GTF2I: variants seen among roughly 807,000 people sequenced by gnomAD.
GTF2I encodes general transcription factor II-I.
In GTF2I, 12 loss-of-function variants were observed where a neutral mutation model predicts 67.6. That is an observed-to-expected ratio of 0.18 (90% CI 0.11 to 0.29). The LOEUF is 0.29. GTF2I is among the 10% of genes least tolerant of loss of function. The probability of loss-of-function intolerance (pLI) is 1.00; values close to 1 mark genes in which losing one functional copy is unlikely to be tolerated. For missense variants in GTF2I, 271 were observed against 580.1 expected (o/e 0.47, Z 5.47); for synonymous variants, 149 against 197.0 (o/e 0.76, Z 2.04).
At chr7:74,706,510 T>C (rs1790717257) in intron 8 of GTF2I, 77 bp downstream of exon 8, 1 of 1,083,840 alleles carries the variant, frequency 9.2e-7, no homozygotes, top group East Asian at 2.4e-5. Flanking sequence ...ATAGTTTGAC[T>C]CAATTATTGT....
chr7:74,683,903 A>G (rs1040759875), intron 1 of GTF2I, among the ~76,000 whole-genome samples: 4 of 151,918 alleles, frequency 2.6e-5, no homozygotes, highest in African/African-American at 4.8e-5. Flanking sequence ...TGCATTCCTT[A>G]TGAGCACAGA....
chr7:74,753,492 T>A (rs1554410378), intron 29 of GTF2I, among the ~76,000 whole-genome samples: 2 of 151,266 alleles, frequency 1.3e-5, no homozygotes, highest in African/African-American at 4.9e-5. Flanking sequence ...GCCAACATAG[T>A]GAAACCCTGT....
At chr7:74,705,930 A>G (rs1424984603) in intron 7 of GTF2I, among the ~76,000 whole-genome samples, 1 of 151,806 alleles carries the variant, frequency 6.6e-6, no homozygotes, top group Non-Finnish European at 1.5e-5. Context: ...ATAGATAGAA[A>G]TTGAAGTACT....
chr7:74,693,040 G>T (rs943147861), intron 3 of GTF2I, among the ~76,000 whole-genome samples: 1 of 152,058 alleles, frequency 6.6e-6, no homozygotes, highest in Non-Finnish European at 1.5e-5. Context: ...GGGATTACAG[G>T]CATGAGCCAC....
At chr7:74,687,470 G>T (rs917139977) in intron 1 of GTF2I, 2 of 575,364 alleles carry the variant, frequency 3.5e-6, no homozygotes, top group Non-Finnish European at 4.4e-6. Flanking sequence ...AGATCCACCC[G>T]CCTCGGCCTT....
intron 9 of GTF2I, among the ~76,000 whole-genome samples, chr7:74,712,065 T>C (rs973557178): frequency 1.8e-4 from 27 of 151,178 alleles, no homozygotes; most frequent in Non-Finnish European, 8.8e-5. Flanking sequence ...TTCTTCTGCC[T>C]CAGCCTCCCG....
chr7:74,701,533 C>T (rs1789753912), intron 6 of GTF2I, among the ~76,000 whole-genome samples: 1 of 151,812 alleles, frequency 6.6e-6, no homozygotes, highest in Non-Finnish European at 1.5e-5. Context: ...TGCAGTGGCG[C>T]GATCTTGGCT....
At chr7:74,660,580 A>G (rs1238263209) in intron 1 of GTF2I, among the ~76,000 whole-genome samples, 1 of 116,974 alleles carries the variant, frequency 8.5e-6, no homozygotes, top group Non-Finnish European at 1.9e-5. Context: ...GGGCACCTTT[A>G]TTTTCTCTCT....
chr7:74,678,462 C>G (rs1786894306), intron 1 of GTF2I, among the ~76,000 whole-genome samples: 1 of 152,038 alleles, frequency 6.6e-6, no homozygotes, highest in Non-Finnish European at 1.5e-5. Flanking sequence ...TCTCGCCTTC[C>G]TTAAGTAAAG....
chr7:74,724,793 C>T (rs184369769), intron 12 of GTF2I, among the ~76,000 whole-genome samples: 36 of 151,808 alleles, frequency 2.4e-4, no homozygotes, highest in Admixed American at 1.1e-3. Context: ...TGGTGGTGGG[C>T]GCCTGTAATC....
intron 1 of GTF2I, among the ~76,000 whole-genome samples, chr7:74,659,541 A>G (rs1804284844): frequency 6.6e-6 from 1 of 151,696 alleles, no homozygotes; most frequent in African/African-American, 2.4e-5. Flanking sequence ...AGGCGTGCCC[A>G]CCACGCCCGG....
At chr7:74,680,533 G>A (rs1473801902) in intron 1 of GTF2I, among the ~76,000 whole-genome samples, 2 of 151,902 alleles carry the variant, frequency 1.3e-5, no homozygotes, top group Non-Finnish European at 2.9e-5. Context: ...TTGATCTCAG[G>A]AGTTCGAGAC....
intron 1 of GTF2I, among the ~76,000 whole-genome samples, chr7:74,668,098 C>T (rs1554389254): frequency 1.3e-5 from 2 of 150,686 alleles, no homozygotes; most frequent in African/African-American, 4.9e-5. Context: ...TCCCAAAGTG[C>T]TGGGATTACA....
chr7:74,701,450 A>G (rs1251253369), intron 6 of GTF2I, among the ~76,000 whole-genome samples: 2 of 152,094 alleles, frequency 1.3e-5, no homozygotes, highest in African/African-American at 4.8e-5. Context: ...TTGATACACC[A>G]TAAAATTCAC....
chr7:74,677,516 T>C (rs1283982546), intron 1 of GTF2I, among the ~76,000 whole-genome samples: 2 of 151,918 alleles, frequency 1.3e-5, no homozygotes, highest in Non-Finnish European at 2.9e-5. Flanking sequence ...TAAAATGAAT[T>C]GGTTGGCCAG....
intron 1 of GTF2I, among the ~76,000 whole-genome samples, chr7:74,682,440 T>C (rs868942306): frequency 3.9e-5 from 6 of 152,238 alleles, no homozygotes; most frequent in South Asian, 4.1e-4. Context: ...ATTTCACCAC[T>C]TGACCTTGAG....
chr7:74,676,117 C>G (rs1024997910), intron 1 of GTF2I, among the ~76,000 whole-genome samples: 2 of 152,154 alleles, frequency 1.3e-5, no homozygotes, highest in South Asian at 4.2e-4. Flanking sequence ...ATTCTGTGAT[C>G]TTGGGCAATT....
At chr7:74,720,974 C>T (rs1453671715) in intron 12 of GTF2I, among the ~76,000 whole-genome samples, 1 of 151,810 alleles carries the variant, frequency 6.6e-6, no homozygotes, top group Non-Finnish European at 1.5e-5. Flanking sequence ...CTTATGTCAG[C>T]CTTTTGAACT....
chr7:74,667,902 C>T (rs587663338), intron 1 of GTF2I, among the ~76,000 whole-genome samples: 4 of 150,502 alleles, frequency 2.7e-5, no homozygotes, highest in African/African-American at 9.8e-5. Context: ...GGCATGATCT[C>T]GGCTCATGGC....
Sources: gnomAD v4.1 joint callset for allele counts (sites outside exome capture counted in the v4.1 genomes callset) on GRCh38, gnomAD v4.1.1 for gene constraint, MANE v1.5 for transcripts, NCBI Gene and HGNC (gene_info 2026-07-23, HGNC 2026-07-21) for gene names.